ABI2: variants seen among roughly 807,000 people sequenced by gnomAD.
ABI2 encodes abelson interactor 2.
ABI2 carries 25 observed loss-of-function variants against 59.2 expected under a neutral mutation model. The ratio of observed to expected loss-of-function variants is 0.42; its 90% CI spans 0.31 to 0.59. The LOEUF is 0.59. ABI2 is among the 20% of genes least tolerant of loss of function. The pLI, the probability that ABI2 is intolerant of heterozygous loss-of-function variation, is 0.14. For synonymous variants in ABI2, 213 were observed against 235.5 expected (o/e 0.90, Z 0.87); for missense variants, 545 against 681.8 (o/e 0.80, Z 2.23).
intron 10 of ABI2, among the ~76,000 whole-genome samples, chr2:203,415,616 C>CAAAAAAA (rs71007515): frequency 1.4e-4 from 6 of 42,342 alleles, no homozygotes; most frequent in African/African-American, 3.1e-4. Context: ...GACTCCGTCT[C>CAAAAAAA]AAAAAAAAAA....
chr2:203,331,321 G>C (rs1419851383), intron 1 of ABI2, among the ~76,000 whole-genome samples: 1 of 144,972 alleles, frequency 6.9e-6, no homozygotes, highest in Non-Finnish European at 1.5e-5. Context: ...TAATTCACAG[G>C]ATCAGTGATC....
At chr2:203,357,908 A>G (rs1435050014) in intron 1 of ABI2, among the ~76,000 whole-genome samples, 1 of 151,944 alleles carries the variant, frequency 6.6e-6, no homozygotes, top group Non-Finnish European at 1.5e-5. Context: ...AGCTGGGACT[A>G]CAGGTGTGGA....
chr2:203,383,543 T>C (rs947314295), intron 4 of ABI2, among the ~76,000 whole-genome samples: 1 of 152,186 alleles, frequency 6.6e-6, no homozygotes, highest in African/African-American at 2.4e-5. Flanking sequence ...CCTTAAAGTT[T>C]AGACTAGCTT....
chr2:203,358,733 G>A (rs1283813782), intron 1 of ABI2, among the ~76,000 whole-genome samples: 4 of 152,174 alleles, frequency 2.6e-5, no homozygotes, highest in Admixed American at 2.6e-4. Context: ...AATCCAGCCA[G>A]GCATGGTGAT....
At chr2:203,328,661 G>T (rs1175506182) in intron 1 of ABI2, 30 bp downstream of exon 1, 1 of 1,473,934 alleles carries the variant, frequency 6.8e-7, no homozygotes, top group Non-Finnish European at 9.1e-7. Flanking sequence ...GGGCCGCGTC[G>T]GGGACCCCCC....
intron 8 of ABI2, among the ~76,000 whole-genome samples, chr2:203,401,720 C>T (rs936623701): frequency 1.3e-5 from 2 of 151,834 alleles, no homozygotes; most frequent in African/African-American, 4.8e-5. Context: ...ATGTAGCTTT[C>T]GTGGTAGATT....
intron 1 of ABI2, among the ~76,000 whole-genome samples, chr2:203,364,324 C>T (rs1213790665): frequency 1.3e-5 from 2 of 148,354 alleles, no homozygotes; most frequent in African/African-American, 4.9e-5. Flanking sequence ...GAATTCCTGA[C>T]CTCAAATGAT....
At chr2:203,409,814 T>C (rs1202871096) in intron 9 of ABI2, among the ~76,000 whole-genome samples, 1 of 152,198 alleles carries the variant, frequency 6.6e-6, no homozygotes, top group East Asian at 1.9e-4. Context: ...GGAATAGGCC[T>C]GAAGAAGTTA....
At chr2:203,426,589 T>C (rs1470324904) in intron 11 of ABI2, among the ~76,000 whole-genome samples, 2 of 152,046 alleles carry the variant, frequency 1.3e-5, no homozygotes, top group Non-Finnish European at 1.5e-5. Context: ...TTTGAAAAAA[T>C]ATATGTAGCG....
chr2:203,339,813 C>T (rs2078816636), intron 1 of ABI2, among the ~76,000 whole-genome samples: 1 of 152,164 alleles, frequency 6.6e-6, no homozygotes, highest in African/African-American at 2.4e-5. Context: ...GTACTGCATG[C>T]ACAGTTCTCC....
chr2:203,374,454 G>A (rs1305029516), intron 2 of ABI2, among the ~76,000 whole-genome samples: 2 of 146,780 alleles, frequency 1.4e-5, no homozygotes, highest in Non-Finnish European at 3.0e-5. Flanking sequence ...AGCTGAGATC[G>A]TGCCACTGCA....
intron 1 of ABI2, among the ~76,000 whole-genome samples, chr2:203,338,975 TATATATAA>T (rs1559154621): frequency 0.046 from 434 of 9,430 alleles, 47 homozygotes; most frequent in East Asian, 0.088. Flanking sequence ...TATATATATA[TATATATAA>T]ATATATATAT....
chr2:203,373,129 T>C (rs1045312537), intron 2 of ABI2, among the ~76,000 whole-genome samples: 1 of 151,986 alleles, frequency 6.6e-6, no homozygotes, highest in Non-Finnish European at 1.5e-5. Flanking sequence ...AGGTGGAGGT[T>C]GTAGCGAGCC....
At chr2:203,375,235 A>G (rs1405689299) in intron 2 of ABI2, among the ~76,000 whole-genome samples, 1 of 152,242 alleles carries the variant, frequency 6.6e-6, no homozygotes, top group Non-Finnish European at 1.5e-5. Context: ...GCAGTGATAT[A>G]TCTTGGTGTG....
chr2:203,350,410 A>G (rs1415915275), intron 1 of ABI2, among the ~76,000 whole-genome samples: 2 of 151,788 alleles, frequency 1.3e-5, no homozygotes, highest in African/African-American at 4.8e-5. Flanking sequence ...GTACAGCGGC[A>G]TGATCATAAG....
chr2:203,393,947 A>G (rs1436550391), intron 5 of ABI2, among the ~76,000 whole-genome samples: 2 of 151,650 alleles, frequency 1.3e-5, no homozygotes, highest in African/African-American at 4.8e-5. Context: ...TTACGAGGAA[A>G]TTTTGGGAAA....
chr2:203,384,296 T>TTTTG (rs2096334699), intron 4 of ABI2, among the ~76,000 whole-genome samples: 1 of 24,456 alleles, frequency 4.1e-5, no homozygotes, highest in Admixed American at 3.5e-4. Flanking sequence ...TTTTGTTTTT[T>TTTTG]TTTTTTTTTT....
At chr2:203,403,255 C>T (rs1046866808) in intron 9 of ABI2, 26 of 152,758 alleles carry the variant, frequency 1.7e-4, no homozygotes, top group Non-Finnish European at 1.5e-5. Flanking sequence ...TCGGTTGTAT[C>T]ATGCATGCAG....
At chr2:203,422,037 G>A (rs1258867539) in intron 11 of ABI2, among the ~76,000 whole-genome samples, 1 of 151,538 alleles carries the variant, frequency 6.6e-6, no homozygotes, top group Non-Finnish European at 1.5e-5. Flanking sequence ...ATCCCTTAAA[G>A]TGCTGTAAAG....
Sources: allele counts gnomAD v4.1 joint callset (sites outside exome capture counted in the v4.1 genomes callset), GRCh38; gene constraint gnomAD v4.1.1; transcripts MANE v1.5; gene names NCBI Gene and HGNC (gene_info 2026-07-23, HGNC 2026-07-21).